The following VSTM2B variants were observed in gnomAD, a reference collection of about 807,000 sequenced individuals.
VSTM2B encodes the protein V-set and transmembrane domain containing 2B.
Under a neutral mutation model 24.0 loss-of-function variants are expected in VSTM2B, and 24 were observed. That is an observed-to-expected ratio of 1.00 (90% CI 0.72 to 1.40). VSTM2B has a LOEUF of 1.40. VSTM2B is among the 40% of genes most tolerant of loss of function. The pLI is 0.00. For missense variants in VSTM2B, 399 were observed against 416.4 expected, an observed-to-expected ratio of 0.96 and a Z score of 0.36; for synonymous variants, 226 against 194.4, an observed-to-expected ratio of 1.16 and a Z score of -1.35.
chr19:29,526,559 G>T lies in VSTM2B; in HGVS notation c.-25G>T. On this transcript the variant is annotated 5_prime_UTR_variant, in exon 1 of 5. Transcript: ENST00000335523. This position sits in a 1 kb window ranked among gnomAD's most constrained non-coding sequence, Gnocchi z 4.1. ...GCCGCCTCTCCGCTCCCGGGCCCCC[G>T]CCGCCACCGCGCCCCCCGCGGGAGA... 1 of 1,495,104 alleles carries T rather than the reference G, an allele frequency of 6.7e-7. No homozygotes were observed. Among genetic ancestry groups the T allele is most frequent in the African/African-American group, 1.4e-5 (1 of 69,248 alleles). 92.6% of individuals were successfully genotyped at this position (1,495,104 alleles called of 1,614,324 possible).
At chr19:29,527,599 T>G (rs1442355323) in intron 2 of VSTM2B, among the ~76,000 whole-genome samples, 1 of 152,206 alleles carries the variant, frequency 6.6e-6, no homozygotes, top group Non-Finnish European at 1.5e-5. Flanking sequence ...ACAGCATCGC[T>G]GTTCCCACCA....
chr19:29,533,854 G>T (rs538123018), intron 4 of VSTM2B, among the ~76,000 whole-genome samples: 1 of 152,356 alleles, frequency 6.6e-6, no homozygotes, highest in South Asian at 2.1e-4. Context: ...CAGCAAGCCA[G>T]CTGCTTTGCT....
intron 4 of VSTM2B, among the ~76,000 whole-genome samples, chr19:29,540,013 G>A (rs1722170748): frequency 6.6e-6 from 1 of 152,268 alleles, no homozygotes; most frequent in African/African-American, 2.4e-5. Flanking sequence ...CAGGGAGGAA[G>A]GCATGGTTTT....
intron 4 of VSTM2B, among the ~76,000 whole-genome samples, chr19:29,553,770 A>G (rs1410858922): frequency 1.3e-5 from 2 of 152,228 alleles, no homozygotes; most frequent in African/African-American, 4.8e-5. Flanking sequence ...AGAACTTGAC[A>G]ATACAATCAC....
chr19:29,560,495 C>T (rs1738264319), intron 4 of VSTM2B, among the ~76,000 whole-genome samples: 1 of 152,184 alleles, frequency 6.6e-6, no homozygotes, highest in African/African-American at 2.4e-5. Flanking sequence ...CCCACCCCAA[C>T]ATCAGTGCCA....
chr19:29,561,989 G>A (rs112468902), intron 4 of VSTM2B, among the ~76,000 whole-genome samples: 13 of 152,344 alleles, frequency 8.5e-5, no homozygotes, highest in African/African-American at 3.1e-4. Flanking sequence ...GATCTGGAGA[G>A]GAAGGTCTGC....
Position 29,526,693 on chromosome 19 carries a change from T to C in VSTM2B, c.82+28T>C. ...GAGCGCGGGAACTTTGCTGCCGCTGTGGACTCGGGGGGGTCTTTGCTGGGG... is the reference window on the plus strand; with the variant it reads ...GAGCGCGGGAACTTTGCTGCCGCTGCGGACTCGGGGGGGTCTTTGCTGGGG... On this transcript the variant is annotated intron_variant, in intron 1 of 4. Transcript: ENST00000335523. This position sits in a 1 kb window ranked among gnomAD's most constrained non-coding sequence, Gnocchi z 4.1. 1 of 1,520,512 alleles carries C rather than the reference T, an allele frequency of 6.6e-7. No homozygotes were observed. Among genetic ancestry groups the C allele is most frequent in the Non-Finnish European group, 8.8e-7 (1 of 1,137,462 alleles). The allele number at this position is 1,520,512 out of a possible 1,614,324, so 94.2% of individuals were successfully genotyped here. A position where few individuals can be genotyped will look rare whatever the true frequency, so the allele number is the denominator to read the frequency against.
At chr19:29,556,493 T>A (rs1035113826) in intron 4 of VSTM2B, among the ~76,000 whole-genome samples, 2 of 152,190 alleles carry the variant, frequency 1.3e-5, no homozygotes, top group Admixed American at 1.3e-4. Context: ...ATGCCCTCTC[T>A]CACCACTCCT....
chr19:29,538,168 T>C (rs552049830), intron 4 of VSTM2B, among the ~76,000 whole-genome samples: 125 of 152,280 alleles, frequency 8.2e-4, no homozygotes, highest in Admixed American at 1.7e-3. Flanking sequence ...CTGCCCTTCA[T>C]ACCCTAAGTA....
At chr19:29,534,726 A>AAAAAAG (rs529893147) in intron 4 of VSTM2B, among the ~76,000 whole-genome samples, 2 of 148,638 alleles carry the variant, frequency 1.3e-5, no homozygotes, top group African/African-American at 5.0e-5. Context: ...CAAAAAAAAA[A>AAAAAAG]AAAGAAAGAA....
intron 4 of VSTM2B, among the ~76,000 whole-genome samples, chr19:29,557,320 G>A (rs936495428): frequency 3.9e-5 from 6 of 152,214 alleles, no homozygotes; most frequent in African/African-American, 1.4e-4. Flanking sequence ...AATGGTGCTG[G>A]GAAAACTGGC....
At position 29,526,691 on chromosome 19, in the gene VSTM2B, T is replaced by A. The variant is rs147811567; in HGVS notation, c.82+26T>A. 6.6e-4 allele frequency: 999 copies of A among 1,520,810 alleles called. 3 individuals are homozygous for A. The African/African-American group carries it at 0.012, about 19-fold the overall frequency. The allele number at this position is 1,520,810 out of a possible 1,614,324, so 94.2% of individuals were successfully genotyped here. A position where few individuals can be genotyped will look rare whatever the true frequency, so the allele number is the denominator to read the frequency against. On this transcript the variant is annotated intron_variant, in intron 1 of 4. Transcript: ENST00000335523. This position sits in a 1 kb window ranked among gnomAD's most constrained non-coding sequence, Gnocchi z 4.1. ...GTGAGCGCGGGAACTTTGCTGCCGC[T>A]GTGGACTCGGGGGGGTCTTTGCTGG...
chr19:29,531,667 A>G (rs1191815825), intron 4 of VSTM2B, among the ~76,000 whole-genome samples: 1 of 152,234 alleles, frequency 6.6e-6, no homozygotes, highest in Non-Finnish European at 1.5e-5. Flanking sequence ...ACAGGAGCCC[A>G]CAAGACTGTC....
At chr19:29,550,663 T>C (rs1970258701) in intron 4 of VSTM2B, among the ~76,000 whole-genome samples, 2 of 152,112 alleles carry the variant, frequency 1.3e-5, no homozygotes, top group Non-Finnish European at 2.9e-5. Flanking sequence ...GAATATTCTA[T>C]GCAATACTGG....
chr19:29,527,199 C>T lies in VSTM2B; in HGVS notation c.83-12C>T. 1 of 1,545,790 alleles carries T rather than the reference C, an allele frequency of 6.5e-7. No individual in the cohort carries two copies. The highest frequency in any genetic ancestry group is 8.7e-7 in the Non-Finnish European group (1 of 1,144,358). ...CAGCTGGTCACGCCTCTCTCTCTCT[C>T]CCCACCCCCAGCTGCATTCACAGAA... is the stretch of plus-strand genomic sequence containing the variant. On this transcript the variant is annotated splice_polypyrimidine_tract_variant and intron_variant, in intron 1 of 4. Transcript: ENST00000335523.
chr19:29,542,109 A>C (rs534442955), intron 4 of VSTM2B, among the ~76,000 whole-genome samples: 1 of 149,284 alleles, frequency 6.7e-6, no homozygotes, highest in South Asian at 2.2e-4. Flanking sequence ...TGGATGGGAG[A>C]ATGAATGGGT....
intron 4 of VSTM2B, among the ~76,000 whole-genome samples, chr19:29,548,388 G>A (rs1171975272): frequency 6.6e-6 from 1 of 152,132 alleles, no homozygotes; most frequent in Non-Finnish European, 1.5e-5. Flanking sequence ...AAAATATCTC[G>A]ATTTCCTTTA....
chr19:29,545,143 G>A (rs189949742), intron 4 of VSTM2B, among the ~76,000 whole-genome samples: 17 of 152,206 alleles, frequency 1.1e-4, no homozygotes, highest in South Asian at 2.1e-4. Flanking sequence ...TGAGGAGGAC[G>A]GAAATGAGTG....
intron 4 of VSTM2B, among the ~76,000 whole-genome samples, chr19:29,553,806 G>A (rs924105942): frequency 6.6e-5 from 10 of 152,160 alleles, no homozygotes; most frequent in Admixed American, 2.6e-4. Context: ...AATTGACCAA[G>A]TGGGGGAAAG....
Sources: gnomAD v4.1 joint callset for allele counts (sites outside exome capture counted in the v4.1 genomes callset) on GRCh38, gnomAD v4.1.1 for gene constraint, Gnocchi (gnomAD v3.1) non-coding constraint, MANE v1.5 for transcripts, NCBI Gene and HGNC (gene_info 2026-07-23, HGNC 2026-07-21) for gene names.